Variants in KIF18A observed in about 807,000 individuals in gnomAD.
KIF18A encodes kinesin family member 18A, also known as kinesin-like protein KIF18A.
Under a neutral mutation model 103.3 loss-of-function variants are expected in KIF18A, and 67 were observed. That is an observed-to-expected ratio of 0.65 (90% CI 0.53 to 0.79). KIF18A has a LOEUF of 0.79. Ranked by LOEUF, KIF18A falls within the 30% of genes least tolerant of loss-of-function variation. The pLI is 0.00. For missense variants in KIF18A, 1,032 were observed against 1,062.5 expected (o/e 0.97, Z 0.40); for synonymous variants, 367 against 355.5 (o/e 1.03, Z -0.36).
chr11:28,079,760 T>C lies in KIF18A; in HGVS notation c.1263-2591A>G, dbSNP rs370165222. ...CTTTGGAAGTTTCCTAGATTCCTTA[T>C]GGAGTAATTTCCAAACTTGTTTATA... On this transcript the variant is annotated intron_variant, in intron 9 of 16. Coordinates refer to ENST00000263181, the MANE Select transcript of KIF18A (RefSeq NM_031217.4). Among the ~76,000 whole-genome samples, 91 of 92,284 alleles carry C rather than the reference T, an allele frequency of 9.9e-4. 3 individuals carry two copies. The South Asian group carries it at 0.04, about 40-fold the overall frequency. 60.5% of individuals were successfully genotyped at this position (92,284 alleles called of 152,430 possible).
At chr11:28,066,629 C>T (rs1174131734) in intron 11 of KIF18A, among the ~76,000 whole-genome samples, 1 of 151,520 alleles carries the variant, frequency 6.6e-6, no homozygotes, top group Non-Finnish European at 1.5e-5. Context: ...AATGGAAGGG[C>T]TTTAGGAAAC....
intron 1 of KIF18A, among the ~76,000 whole-genome samples, chr11:28,100,564 G>C (rs1187944007): frequency 6.6e-6 from 1 of 150,660 alleles, no homozygotes; most frequent in Non-Finnish European, 1.5e-5. Flanking sequence ...TGAGTGAAGG[G>C]GGGGGGTGGT....
At chr11:28,030,874 C>T (rs1193125492) in intron 15 of KIF18A, among the ~76,000 whole-genome samples, 2 of 150,460 alleles carry the variant, frequency 1.3e-5, no homozygotes, top group Admixed American at 6.7e-5. Flanking sequence ...GGGCGAAGGA[C>T]ATGAACAGAC....
chr11:28,053,630 A>G (rs1244513320), intron 13 of KIF18A, among the ~76,000 whole-genome samples: 3 of 137,474 alleles, frequency 2.2e-5, no homozygotes, highest in African/African-American at 8.3e-5. Context: ...CATTAGGTAT[A>G]CCTCCTAATG....
At chr11:28,068,572 T>C (rs1172733090) in intron 11 of KIF18A, among the ~76,000 whole-genome samples, 1 of 152,062 alleles carries the variant, frequency 6.6e-6, no homozygotes, top group Non-Finnish European at 1.5e-5. Context: ...TGTTAGGAAT[T>C]TTTGGAAACA....
rs754575672 is a variant in KIF18A, at chr11:28,084,808, T to C, written c.898A>G (p.Arg300Gly). 2.5e-6 allele frequency: 4 copies of C among 1,608,384 alleles called. No homozygotes were observed. Among genetic ancestry groups the C allele is most frequent in the Admixed American group, 1.7e-5 (1 of 59,248 alleles). Residue 300 changes from arginine (R) to glycine (G), a missense_variant and splice_region_variant, in exon 7 of 17, where the codon AGA becomes GGA. Transcript: ENST00000263181. ...CTGTAAGGGATATGCTGATTCTTTC[T>C]CTGAAAGCACAAAAAAGAGATCTTA... ...NVINALADSK[R>G]KNQHIPYRNS...
At position 28,071,680 on chromosome 11, in the gene KIF18A, G is replaced by C. The variant is rs555482469; in HGVS notation, c.1426-2257C>G. ...TAAATAATTTTTAAAAGCAGAAAGG[G>C]GTCCTGAAACTTGAAGTTTAGAGCC... On this transcript the variant is annotated intron_variant, in intron 10 of 16. Transcript: ENST00000263181. Among the ~76,000 whole-genome samples the C allele has an allele frequency of 6.6e-5, 10 of 151,920 alleles. No individual in the cohort carries two copies. The South Asian group carries it at 8.3e-4, about 13-fold the overall frequency.
At chr11:28,074,475 A>C (rs1851063652) in intron 10 of KIF18A, among the ~76,000 whole-genome samples, 1 of 152,144 alleles carries the variant, frequency 6.6e-6, no homozygotes, top group South Asian at 2.1e-4. Context: ...AATGCATCTC[A>C]AAACACAAAA....
In KIF18A at chr11:28,096,779, T is replaced by C. The variant is rs1038395970; in HGVS notation, c.325+844A>G. On this transcript the variant is annotated intron_variant, in intron 2 of 16. Coordinates refer to ENST00000263181, the MANE Select transcript of KIF18A (RefSeq NM_031217.4). The stretch of plus-strand genomic sequence containing the variant: ...GCTGTCTTGGGGAAAATATCATAAA[T>C]ACTAATAATTACAAAAATAAGATAT... Among the ~76,000 whole-genome samples the C allele has an allele frequency of 8.5e-5, 13 of 152,088 alleles. 1 individual carries two copies. The highest frequency in any genetic ancestry group is 2.7e-4 in the African/African-American group (11 of 41,412).
chr11:28,059,179 G>C lies in KIF18A; in HGVS notation c.1713-18C>G. 1 of 1,513,676 alleles carries C rather than the reference G, an allele frequency of 6.6e-7. No individual in the cohort carries two copies. Among genetic ancestry groups the C allele is most frequent in the East Asian group, 2.3e-5 (1 of 44,320 alleles). The allele number at this position is 1,513,676 out of a possible 1,614,324, so 93.8% of individuals were successfully genotyped here. ...TCAATACTCTATATACAGAAGATGA[G>C]AAGAAAGGAGAGATAAATATGACAT... On this transcript the variant is annotated intron_variant, in intron 12 of 16. Transcript: ENST00000263181.
Position 28,036,633 on chromosome 11 carries a change from C to A in KIF18A, c.1980G>T (p.Lys660Asn). The change falls in exon 14 of 17, where the codon AAG (lysine) becomes AAT (asparagine). Residue 660 changes from lysine to asparagine, a missense_variant. Physicochemically the swap from Lys to Asn is moderately conservative, Grantham distance 94 (BLOSUM62 0). Transcript: ENST00000263181. ...CSSSGGTNLV[K>N]IPTEKRTRRK... is the part of the protein sequence containing the mutation. ...TCCGAGTTCTTTTTTCTGTAGGAAT[C>A]TTAACCAGATTAGTTCCACCTGAAG... The A allele has an allele frequency of 6.2e-7, 1 of 1,608,802 alleles. No homozygotes were observed. Among genetic ancestry groups the A allele is most frequent in the Non-Finnish European group, 8.5e-7 (1 of 1,176,972 alleles).
chr11:28,094,886 ATATCCTGAACAG>A lies in KIF18A; in HGVS notation c.326-98_326-87del. 3 of 1,298,624 alleles carry A rather than the reference ATATCCTGAACAG, an allele frequency of 2.3e-6. No individual in the cohort carries two copies. In the Admixed American group the frequency reaches 5.3e-5, roughly 23 times the overall value. 80.4% of individuals were successfully genotyped at this position (1,298,624 alleles called of 1,614,324 possible). ...CTATCTAGTGGATAGTTCCATCTGGATATCCTGAACAGTATCTTTAAACCCTACAAATCCAAA... is the reference window on the plus strand; with the variant it reads ...CTATCTAGTGGATAGTTCCATCTGGATATCTTTAAACCCTACAAATCCAAA... On this transcript the variant is annotated intron_variant, in intron 2 of 16. Transcript: ENST00000263181.
chr11:28,091,545 T>C (rs763867481), intron 3 of KIF18A, 32 bp from the exon 4 acceptor site: 11 of 1,195,968 alleles, frequency 9.2e-6, no homozygotes, highest in Admixed American at 6.3e-5. Context: ...TTAGCATTGA[T>C]GTAAAAAAAA....
intron 15 of KIF18A, among the ~76,000 whole-genome samples, chr11:28,027,280 T>A (rs1428691279): frequency 6.6e-6 from 1 of 151,894 alleles, no homozygotes; most frequent in African/African-American, 2.4e-5. Context: ...GCATTCAATT[T>A]ATAGGATATA....
chr11:28,083,174 C>T lies in KIF18A; in HGVS notation c.1144G>A (p.Ala382Thr). The change falls in exon 8 of 17, where the codon GCA (alanine) becomes ACA (threonine). Residue 382 changes from alanine to threonine, a missense_variant. Coordinates refer to ENST00000263181, the MANE Select transcript of KIF18A (RefSeq NM_031217.4). ...AAAAATATAAACAGACATACCTCTG[C>T]CTTCTGCTCATTACAGATCTTTACA... The part of the protein sequence containing the change: ...QYVKICNEQK[A>T]EILLLKEKLK... 1 of 1,577,088 alleles carries T rather than the reference C, an allele frequency of 6.3e-7. No individual in the cohort carries two copies.
intron 15 of KIF18A, among the ~76,000 whole-genome samples, chr11:28,030,975 C>A (rs1341768903): frequency 6.6e-6 from 1 of 151,346 alleles, no homozygotes; most frequent in Non-Finnish European, 1.5e-5. Context: ...ATCAAAACCA[C>A]AATGAGATAC....
chr11:28,038,162 G>T (rs947240384), intron 13 of KIF18A, among the ~76,000 whole-genome samples: 1 of 151,160 alleles, frequency 6.6e-6, no homozygotes, highest in Non-Finnish European at 1.5e-5. Flanking sequence ...TTTTTAGTTG[G>T]GTAATTCTTG....
intron 11 of KIF18A, among the ~76,000 whole-genome samples, chr11:28,063,818 C>T (rs933379347): frequency 2.0e-5 from 3 of 151,482 alleles, no homozygotes; most frequent in Admixed American, 6.6e-5. Context: ...TTAGCTTTAG[C>T]GAGTGGAAAC....
intron 13 of KIF18A, among the ~76,000 whole-genome samples, chr11:28,041,477 T>C (rs1016440873): frequency 2.6e-5 from 4 of 151,638 alleles, no homozygotes; most frequent in Non-Finnish European, 5.9e-5. Flanking sequence ...TGAAGTGCTG[T>C]GAGTTAGAGG....
Sources: gnomAD v4.1 joint callset for allele counts (sites outside exome capture counted in the v4.1 genomes callset) on GRCh38, gnomAD v4.1.1 for gene constraint, MANE v1.5 for transcripts, NCBI Gene and HGNC (gene_info 2026-07-23, HGNC 2026-07-21) for gene names.